The following CSMD3 variants were observed in gnomAD, a reference collection of about 807,000 sequenced individuals.
CSMD3 encodes the protein CUB and sushi domain-containing protein 3.
CSMD3 carries 177 observed loss-of-function variants against 435.2 expected under a neutral mutation model. The ratio of observed to expected loss-of-function variants is 0.41; its 90% CI spans 0.36 to 0.46. The LOEUF is 0.46. CSMD3 is among the 20% of genes least tolerant of loss of function. CSMD3 has a pLI of 0.34. For missense variants in CSMD3, 4,265 were observed against 4,504.6 expected (o/e 0.95, Z 1.52); for synonymous variants, 1,656 against 1,520.5 (o/e 1.09, Z -2.07).
chr8:112,243,011 G>C (rs1448962268), intron 65 of CSMD3, among the ~76,000 whole-genome samples: 3 of 152,014 alleles, frequency 2.0e-5, no homozygotes, highest in African/African-American at 4.8e-5. Flanking sequence ...AATTAGGAGG[G>C]AGTAAAACAT....
At position 113,342,050 on chromosome 8, in the gene CSMD3, A is replaced by G. The variant is rs1405809474; in HGVS notation, c.179-27257T>C. Among the ~76,000 whole-genome samples, 3 of 152,254 alleles carry G rather than the reference A, an allele frequency of 2.0e-5. No individual in the cohort carries two copies. The East Asian group carries it at 5.8e-4, about 29-fold the overall frequency. On this transcript the variant is annotated intron_variant, in intron 1 of 70. Coordinates refer to ENST00000297405, the MANE Select transcript of CSMD3 (RefSeq NM_198123.2). ...AATTACCAAACTCGTAGAATAGCCA[A>G]AATATTACCAGTTGCTTTAAAAGAT...
intron 4 of CSMD3, among the ~76,000 whole-genome samples, chr8:113,142,513 A>G (rs2091573120): frequency 6.6e-6 from 1 of 151,226 alleles, no homozygotes; most frequent in South Asian, 2.1e-4. Context: ...AAGCAGTTCA[A>G]TGAAAGAAAG....
intron 4 of CSMD3, among the ~76,000 whole-genome samples, chr8:113,142,490 A>C (rs1000668944): frequency 6.6e-6 from 1 of 151,210 alleles, no homozygotes; most frequent in Non-Finnish European, 1.5e-5. Context: ...GTGATTTTTC[A>C]ACAAAGCTAT....
chr8:113,112,732 G>C (rs1420271582), intron 4 of CSMD3, among the ~76,000 whole-genome samples: 2 of 152,014 alleles, frequency 1.3e-5, no homozygotes, highest in Non-Finnish European at 2.9e-5. Context: ...TCACTTCACT[G>C]AAGATTGAAC....
At position 113,172,206 on chromosome 8, in the gene CSMD3, A is replaced by G. The variant is rs145262508; in HGVS notation, c.709+1516T>C. Among the ~76,000 whole-genome samples, 890 of 152,312 alleles carry G rather than the reference A, an allele frequency of 5.8e-3. 4 individuals carry two copies. The highest frequency in any genetic ancestry group is 0.019 in the African/African-American group (791 of 41,568). On this transcript the variant is annotated intron_variant, in intron 4 of 70. Coordinates refer to ENST00000297405, the MANE Select transcript of CSMD3 (RefSeq NM_198123.2). ...TGGCAAAGAGTTTTAACTTGAAAGT[A>G]GAGTAAAATGTCAGAACTCTTCATA...
At chr8:113,200,880 A>G (rs2092709605) in intron 3 of CSMD3, among the ~76,000 whole-genome samples, 1 of 151,878 alleles carries the variant, frequency 6.6e-6, no homozygotes, top group Non-Finnish European at 1.5e-5. Context: ...TATAGAGGTT[A>G]TAACTATTTG....
intron 27 of CSMD3, among the ~76,000 whole-genome samples, chr8:112,542,450 A>C (rs1359725438): frequency 6.6e-6 from 1 of 151,994 alleles, no homozygotes; most frequent in East Asian, 1.9e-4. Context: ...GGAACTAATA[A>C]ATTCAATAAA....
At chr8:113,009,807 A>T (rs2086191231) in intron 6 of CSMD3, among the ~76,000 whole-genome samples, 1 of 151,812 alleles carries the variant, frequency 6.6e-6, no homozygotes. Context: ...TTTCACCTCA[A>T]GCTGTTTTAT....
chr8:112,756,893 C>T (rs780287509), intron 13 of CSMD3, among the ~76,000 whole-genome samples: 14 of 151,858 alleles, frequency 9.2e-5, no homozygotes, highest in African/African-American at 9.7e-5. Flanking sequence ...CTCAACCTCC[C>T]GAGTAGCTGG....
At chr8:112,983,919 A>G (rs375287093) in intron 6 of CSMD3, among the ~76,000 whole-genome samples, 13 of 152,214 alleles carry the variant, frequency 8.5e-5, no homozygotes, top group Middle Eastern at 3.4e-3. Context: ...AAGTAGCCTA[A>G]TAAGAAACAC....
chr8:113,146,766 T>G lies in CSMD3; in HGVS notation c.709+26956A>C, dbSNP rs943097847. On this transcript the variant is annotated intron_variant, in intron 4 of 70. Transcript: ENST00000297405. The stretch of plus-strand genomic sequence containing the variant: ...TACTGGCCATATACACGAAAACATA[T>G]AGTGGTTTTTGGTAATATGAAAATC... Among the ~76,000 whole-genome samples, 36 of 151,658 alleles carry G rather than the reference T, an allele frequency of 2.4e-4. 1 individual carries two copies. The highest frequency in any genetic ancestry group is 2.0e-3 in the Admixed American group (30 of 15,150).
chr8:112,380,588 T>A (rs1391536400), intron 37 of CSMD3, 132 bp from the exon 38 acceptor site: 2 of 629,756 alleles, frequency 3.2e-6, no homozygotes, highest in Non-Finnish European at 2.9e-6. Flanking sequence ...TCAAAAAAAA[T>A]TTAATAGAAA....
At chr8:112,309,150 T>C (rs765784449) in intron 50 of CSMD3, among the ~76,000 whole-genome samples, 13 of 151,958 alleles carry the variant, frequency 8.6e-5, no homozygotes, top group Non-Finnish European at 1.9e-4. Flanking sequence ...ATTAAGGACA[T>C]TGAAAAAATG....
chr8:113,010,962 A>G (rs1246517317), intron 6 of CSMD3, among the ~76,000 whole-genome samples: 1 of 151,474 alleles, frequency 6.6e-6, no homozygotes, highest in Admixed American at 6.6e-5. Flanking sequence ...TTTTTTCTTT[A>G]TACTTTCCTG....
At chr8:112,487,687 A>C (rs917250781) in intron 31 of CSMD3, among the ~76,000 whole-genome samples, 8 of 152,164 alleles carry the variant, frequency 5.3e-5, no homozygotes, top group Non-Finnish European at 8.8e-5. Context: ...GAAAAGAGGT[A>C]AGAGACGGCA....
chr8:112,350,775 G>A (rs1207839565), intron 40 of CSMD3, among the ~76,000 whole-genome samples: 2 of 151,890 alleles, frequency 1.3e-5, no homozygotes, highest in Non-Finnish European at 2.9e-5. Context: ...CATCTCATGA[G>A]GTGTCATACT....
intron 22 of CSMD3, among the ~76,000 whole-genome samples, chr8:112,628,631 T>C (rs892408069): frequency 2.6e-5 from 4 of 152,190 alleles, no homozygotes; most frequent in Non-Finnish European, 4.4e-5. Context: ...AGGAGTTTTG[T>C]CGATATTATA....
At position 112,390,865 on chromosome 8, in the gene CSMD3, C is replaced by T. The variant is rs536810225; in HGVS notation, c.5810-77G>A. ...AAATAAGAGTAAAGGTCAGAGATAA[C>T]ATCTTAGACAGATACTAGACTTGCA... On this transcript the variant is annotated intron_variant, in intron 35 of 70. Transcript: ENST00000297405. The T allele has an allele frequency of 1.9e-4, 247 of 1,286,328 alleles. 2 individuals are homozygous for T. In the African/African-American group the frequency reaches 3.0e-3, roughly 16 times the overall value. 79.7% of individuals were successfully genotyped at this position (1,286,328 alleles called of 1,614,324 possible).
rs773980374 is a variant in CSMD3 at position 112,295,988 on chromosome 8, G to A, written c.8459C>T (p.Pro2820Leu). 1 of 1,612,750 alleles carries A rather than the reference G, an allele frequency of 6.2e-7. No homozygotes were observed. Among genetic ancestry groups the A allele is most frequent in the East Asian group, 2.2e-5 (1 of 44,808 alleles). ...GACTTGACCATTCACAATCAGTTCTGGAATTCCACAATGACCCGCTGAAAT... is the reference window on the plus strand; with the variant it reads ...GACTTGACCATTCACAATCAGTTCTAGAATTCCACAATGACCCGCTGAAAT... ...TRCLAGHCGIPELIVNGQVIG... is the reference protein window; with the variant it reads ...TRCLAGHCGILELIVNGQVIG... Residue 2820 changes from proline (P) to leucine (L), a missense_variant, in exon 54 of 71, where the codon CCA becomes CTA. Pro to Leu is a moderately conservative substitution (Grantham distance 98). Transcript: ENST00000297405.
Sources: allele counts gnomAD v4.1 joint callset (sites outside exome capture counted in the v4.1 genomes callset), GRCh38; gene constraint gnomAD v4.1.1; transcripts MANE v1.5; gene names NCBI Gene and HGNC (gene_info 2026-07-23, HGNC 2026-07-21).